The following TAF3 variants were observed in gnomAD, a reference collection of about 807,000 sequenced individuals.
TAF3 encodes TATA-box binding protein associated factor 3.
Under a neutral mutation model 80.6 loss-of-function variants are expected in TAF3, and 7 were observed. The ratio of observed to expected loss-of-function variants is 0.09; its 90% CI spans 0.05 to 0.16. The LOEUF (loss-of-function observed/expected upper bound fraction) is 0.16. Among genes scored for constraint, TAF3 ranks in the 10% least tolerant of loss-of-function variants. The probability of loss-of-function intolerance (pLI) is 1.00; values close to 1 mark genes in which losing one functional copy is unlikely to be tolerated. For synonymous variants in TAF3, 444 were observed against 446.1 expected (o/e 1.00, Z 0.06); for missense variants, 921 against 1,140.2 (o/e 0.81, Z 2.77).
chr10:8,010,837 G>A (rs1832047105), intron 5 of TAF3, among the ~76,000 whole-genome samples: 1 of 152,164 alleles, frequency 6.6e-6, no homozygotes, highest in Non-Finnish European at 1.5e-5. Context: ...TTGAACGGGA[G>A]GCAGAGCTTG....
chr10:7,824,699 C>A (rs1836724416), intron 2 of TAF3, 139 bp downstream of exon 2: 1 of 1,155,508 alleles, frequency 8.7e-7, no homozygotes, highest in Non-Finnish European at 1.2e-6. Context: ...ATTATTCTAA[C>A]CCTTAAACCA....
At chr10:7,986,214 A>G (rs1421389145) in intron 4 of TAF3, among the ~76,000 whole-genome samples, 1 of 151,232 alleles carries the variant, frequency 6.6e-6, no homozygotes, top group Non-Finnish European at 1.5e-5. Flanking sequence ...TTTTCTCTTT[A>G]GGTTTGTTAT....
At chr10:7,828,139 A>G (rs903451692) in intron 2 of TAF3, among the ~76,000 whole-genome samples, 1 of 152,162 alleles carries the variant, frequency 6.6e-6, no homozygotes, top group African/African-American at 2.4e-5. Flanking sequence ...AGGCCAAGGC[A>G]GGAAGATCGC....
intron 2 of TAF3, among the ~76,000 whole-genome samples, chr10:7,889,820 G>A (rs1468888454): frequency 6.6e-6 from 1 of 152,158 alleles, no homozygotes; most frequent in African/African-American, 2.4e-5. Context: ...CATCTCATCA[G>A]CTGCCTTTAA....
intron 2 of TAF3, among the ~76,000 whole-genome samples, chr10:7,851,640 T>C (rs374299192): frequency 1.3e-5 from 2 of 152,298 alleles, no homozygotes; most frequent in East Asian, 3.9e-4. Context: ...CTTTCCCTTC[T>C]CCCCTTTCAT....
At chr10:7,956,975 A>T (rs1430811657) in intron 2 of TAF3, among the ~76,000 whole-genome samples, 1 of 152,030 alleles carries the variant, frequency 6.6e-6, no homozygotes, top group Admixed American at 6.6e-5. Context: ...TACTAGAACT[A>T]TAGGGGTTAT....
chr10:7,933,252 G>A (rs1837886387), intron 2 of TAF3, among the ~76,000 whole-genome samples: 1 of 152,156 alleles, frequency 6.6e-6, no homozygotes, highest in Admixed American at 6.5e-5. Flanking sequence ...TAAAATGTCA[G>A]CTCACTGAAC....
intron 4 of TAF3, among the ~76,000 whole-genome samples, chr10:7,990,074 T>G (rs1158759754): frequency 6.6e-6 from 1 of 152,236 alleles, no homozygotes; most frequent in Non-Finnish European, 1.5e-5. Flanking sequence ...GTTTCTAGTT[T>G]AGATTAACTA....
chr10:7,954,371 T>C (rs1344244243), intron 2 of TAF3, among the ~76,000 whole-genome samples: 1 of 123,896 alleles, frequency 8.1e-6, no homozygotes, highest in Non-Finnish European at 1.8e-5. Flanking sequence ...CATAGTGAGA[T>C]TCAGAGTGCA....
At chr10:7,904,459 T>A (rs1195940039) in intron 2 of TAF3, among the ~76,000 whole-genome samples, 1 of 151,400 alleles carries the variant, frequency 6.6e-6, no homozygotes, top group African/African-American at 2.4e-5. Context: ...CATCATTGCA[T>A]ATTCTACACC....
intron 1 of TAF3, 58 bp from the exon 2 acceptor site, chr10:7,824,259 TA>T (rs1836719414): frequency 1.9e-6 from 3 of 1,553,564 alleles, no homozygotes; most frequent in South Asian, 2.4e-5. Context: ...TCTTAATATT[TA>T]AAAATATATT....
intron 2 of TAF3, among the ~76,000 whole-genome samples, chr10:7,889,378 A>G: frequency 6.6e-6 from 1 of 152,202 alleles, no homozygotes; most frequent in East Asian, 1.9e-4. Context: ...AACACTTCAC[A>G]TCTACTCATT....
At chr10:7,837,703 G>C (rs982071369) in intron 2 of TAF3, among the ~76,000 whole-genome samples, 3 of 152,024 alleles carry the variant, frequency 2.0e-5, no homozygotes, top group African/African-American at 7.2e-5. Context: ...AGAGGCTGAG[G>C]TGGTGTAAGT....
chr10:7,820,418 T>C (rs1271415099), intron 1 of TAF3, among the ~76,000 whole-genome samples: 1 of 152,246 alleles, frequency 6.6e-6, no homozygotes, highest in Non-Finnish European at 1.5e-5. Context: ...ACCACTACCC[T>C]AAAAGCCACT....
intron 4 of TAF3, among the ~76,000 whole-genome samples, chr10:8,005,594 C>A (rs1285147170): frequency 6.6e-6 from 1 of 152,230 alleles, no homozygotes; most frequent in African/African-American, 2.4e-5. Flanking sequence ...AAATATCAGA[C>A]TTGCCTAATG....
At chr10:7,887,734 A>T (rs1238070565) in intron 2 of TAF3, among the ~76,000 whole-genome samples, 1 of 152,062 alleles carries the variant, frequency 6.6e-6, no homozygotes, top group Non-Finnish European at 1.5e-5. Flanking sequence ...ATCGGGGGGG[A>T]TAAAGGAAAG....
At chr10:7,837,230 G>T (rs1038099158) in intron 2 of TAF3, among the ~76,000 whole-genome samples, 6 of 152,160 alleles carry the variant, frequency 3.9e-5, no homozygotes, top group African/African-American at 1.4e-4. Flanking sequence ...GGACATGGTG[G>T]CATGGGCCTG....
intron 4 of TAF3, among the ~76,000 whole-genome samples, chr10:8,001,933 C>A (rs1210694749): frequency 6.6e-6 from 1 of 152,080 alleles, no homozygotes; most frequent in Non-Finnish European, 1.5e-5. Context: ...CTATAACAGC[C>A]GGCAAACAGT....
intron 2 of TAF3, among the ~76,000 whole-genome samples, chr10:7,911,179 G>A (rs1222187476): frequency 6.6e-6 from 1 of 152,170 alleles, no homozygotes; most frequent in Non-Finnish European, 1.5e-5. Context: ...TTATTGATAT[G>A]ATCAAAACTC....
Sources: allele counts gnomAD v4.1 joint callset (sites outside exome capture counted in the v4.1 genomes callset), GRCh38; gene constraint gnomAD v4.1.1; transcripts MANE v1.5; gene names NCBI Gene and HGNC (gene_info 2026-07-23, HGNC 2026-07-21).